Variants in LIMS1 observed in about 807,000 individuals in gnomAD.
LIMS1 encodes the protein LIM zinc finger domain containing 1.
A neutral mutation model predicts 44.1 loss-of-function variants in LIMS1; 18 were observed. That is an observed-to-expected ratio of 0.41 (90% confidence interval 0.28 to 0.61). The LOEUF (loss-of-function observed/expected upper bound fraction) is 0.61, where lower values mean the gene tolerates loss of function less well. LIMS1 is among the 20% of genes least tolerant of loss of function. The pLI is 0.32. For missense variants in LIMS1, 201 were observed against 422.0 expected, an observed-to-expected ratio of 0.48 and a Z score of 4.59; for synonymous variants, 93 against 149.1, an observed-to-expected ratio of 0.62 and a Z score of 2.74.
At chr2:108,621,434 T>C (rs1320541184) in intron 1 of LIMS1, 2 of 1,550,968 alleles carry the variant, frequency 1.3e-6, no homozygotes, top group South Asian at 1.2e-5. Context: ...AGTTTGAGAG[T>C]AAATGGGTTA....
intron 1 of LIMS1, among the ~76,000 whole-genome samples, chr2:108,561,190 A>C (rs975071816): frequency 6.6e-6 from 1 of 152,198 alleles, no homozygotes; most frequent in African/African-American, 2.4e-5. Flanking sequence ...AAATCTCCAA[A>C]CTGCTTTCCA....
chr2:108,599,291 G>C lies in LIMS1; in HGVS notation c.33-60314G>C, dbSNP rs1009366089. Among the ~76,000 whole-genome samples the C allele has an allele frequency of 1.6e-4, 25 of 152,204 alleles. No homozygotes were observed. The South Asian group carries it at 1.9e-3, about 11-fold the overall frequency. The stretch of plus-strand genomic sequence containing the variant: ...CCAAAAATAAGTGAGAACAAATGAT[G>C]TTTGTCTTTCTGTGCCTGGCTTATT... On this transcript the variant is annotated intron_variant, in intron 1 of 9. Transcript: ENST00000544547.
At chr2:108,559,932 T>A (rs183545814) in intron 1 of LIMS1, among the ~76,000 whole-genome samples, 67 of 152,250 alleles carry the variant, frequency 4.4e-4, no homozygotes, top group Non-Finnish European at 6.8e-4. Context: ...AGTGAACAAG[T>A]GGAGCCCACC....
At chr2:108,553,150 C>A in intron 1 of LIMS1, among the ~76,000 whole-genome samples, 1 of 152,194 alleles carries the variant, frequency 6.6e-6, no homozygotes, top group East Asian at 1.9e-4. Context: ...CTGCCACTTT[C>A]TAGCATGGTC....
chr2:108,653,918 G>A (rs1346684260), intron 1 of LIMS1, among the ~76,000 whole-genome samples: 2 of 123,192 alleles, frequency 1.6e-5, no homozygotes, highest in Non-Finnish European at 3.5e-5. Flanking sequence ...TCAGCCTTCC[G>A]ATGAATACAC....
chr2:108,556,078 T>C (rs1405790811), intron 1 of LIMS1, among the ~76,000 whole-genome samples: 1 of 152,174 alleles, frequency 6.6e-6, no homozygotes, highest in Non-Finnish European at 1.5e-5. Context: ...ACATTCACAA[T>C]GCGATTAAAC....
At chr2:108,534,258 T>C (rs10084199), upstream of LIMS1, 94,160 of 159,832 alleles carry the variant, frequency 0.59, 28,771 homozygotes, top group East Asian at 0.95. Flanking sequence ...CGGGGTCTGA[T>C]GCGCGCCCCG....
intron 1 of LIMS1, among the ~76,000 whole-genome samples, chr2:108,539,942 CT>C (rs1478748672): frequency 2.0e-5 from 3 of 151,680 alleles, no homozygotes; most frequent in Non-Finnish European, 4.4e-5. Flanking sequence ...CCATCGTTTT[CT>C]TTTTTCACTC....
At chr2:108,602,296 C>G (rs774446671) in intron 1 of LIMS1, among the ~76,000 whole-genome samples, 14 of 152,168 alleles carry the variant, frequency 9.2e-5, no homozygotes, top group Non-Finnish European at 1.6e-4. Context: ...TATTTCTCTT[C>G]TCTGATTGCC....
chr2:108,644,483 C>A (rs1689926576), intron 1 of LIMS1, among the ~76,000 whole-genome samples: 1 of 152,258 alleles, frequency 6.6e-6, no homozygotes, highest in Admixed American at 6.5e-5. Context: ...TCAGAGACCC[C>A]ATCCGAAGGT....
chr2:108,597,609 G>C (rs979758440), intron 1 of LIMS1, among the ~76,000 whole-genome samples: 1 of 151,328 alleles, frequency 6.6e-6, no homozygotes, highest in African/African-American at 2.4e-5. Context: ...CACACAGACT[G>C]TCTCTACCTG....
At chr2:108,605,473 AT>A (rs1247371335) in intron 1 of LIMS1, among the ~76,000 whole-genome samples, 3 of 152,136 alleles carry the variant, frequency 2.0e-5, no homozygotes, top group Non-Finnish European at 2.9e-5. Flanking sequence ...AAAATACCTA[AT>A]TTTTTATAAA....
chr2:108,593,276 C>A (rs76725869), intron 1 of LIMS1, among the ~76,000 whole-genome samples: 3,935 of 152,174 alleles, frequency 0.026, 126 homozygotes, highest in South Asian at 0.14. Context: ...TCCAAGCCTC[C>A]CACTGTGTGA....
At chr2:108,600,498 T>C (rs1181976546) in intron 1 of LIMS1, among the ~76,000 whole-genome samples, 3 of 152,278 alleles carry the variant, frequency 2.0e-5, no homozygotes, top group African/African-American at 4.8e-5. Flanking sequence ...TTTCATAGTT[T>C]AAGATCTTAG....
intron 1 of LIMS1, among the ~76,000 whole-genome samples, chr2:108,539,430 G>C (rs1684248449): frequency 6.6e-6 from 1 of 152,182 alleles, no homozygotes; most frequent in Admixed American, 6.5e-5. Context: ...GTATGTGCAT[G>C]AGTGTTTGGG....
intron 1 of LIMS1, among the ~76,000 whole-genome samples, chr2:108,648,847 G>A (rs1176590920): frequency 6.6e-6 from 1 of 152,148 alleles, no homozygotes; most frequent in African/African-American, 2.4e-5. Context: ...ATGGATTAAA[G>A]ATTTAAATGT....
chr2:108,568,294 C>T (rs943714879), intron 1 of LIMS1, among the ~76,000 whole-genome samples: 1 of 152,192 alleles, frequency 6.6e-6, no homozygotes, highest in Admixed American at 6.6e-5. Context: ...AATATTTGTT[C>T]TTTTGTGACT....
intron 1 of LIMS1, among the ~76,000 whole-genome samples, chr2:108,642,403 A>G (rs1456106999): frequency 1.7e-5 from 2 of 119,512 alleles, no homozygotes; most frequent in Admixed American, 1.2e-4. Context: ...TCTGTCGCCC[A>G]GGCTGGAGTG....
At chr2:108,580,153 A>C (rs779373055) in intron 1 of LIMS1, among the ~76,000 whole-genome samples, 1 of 152,230 alleles carries the variant, frequency 6.6e-6, no homozygotes, top group Non-Finnish European at 1.5e-5. Context: ...CTGAACTTAC[A>C]GGTCTCTGAG....
Sources: gnomAD v4.1 joint callset for allele counts (sites outside exome capture counted in the v4.1 genomes callset) on GRCh38, gnomAD v4.1.1 for gene constraint, MANE v1.5 for transcripts, NCBI Gene and HGNC (gene_info 2026-07-23, HGNC 2026-07-21) for gene names.